Variants in ING5 observed in about 807,000 individuals in gnomAD.
The protein encoded by ING5 is inhibitor of growth family member 5.
ING5 carries 17 observed loss-of-function variants against 37.4 expected under a neutral mutation model. That is an observed-to-expected ratio of 0.45 (90% CI 0.31 to 0.68). ING5 has a LOEUF of 0.68. Among genes scored for constraint, ING5 ranks in the 30% least tolerant of loss-of-function variants. ING5 has a pLI of 0.05. For missense variants in ING5, 233 were observed against 311.9 expected (o/e 0.75, Z 1.91); for synonymous variants, 123 against 116.6 (o/e 1.06, Z -0.36).
exon 2 of ING5, chr2:241,689,985 ACCTTCCCG>A (rs1318617689): frequency 1.2e-4 from 18 of 151,954 alleles, no homozygotes; most frequent in African/African-American, 3.9e-4. Context: ...AAGGAAGACC[ACCTTCCCG>A]GGGCTGGGCA....
chr2:241,721,929 G>C (rs1174014928), intron 5 of ING5: 1 of 985,680 alleles, frequency 1.0e-6, no homozygotes, highest in African/African-American at 1.7e-5. Flanking sequence ...CTGCCAGGCT[G>C]CTGTGTAGAA....
At chr2:241,698,082 CAAAAA>C (rs138451940), upstream of ING5, among the ~76,000 whole-genome samples, 2 of 84,640 alleles carry the variant, frequency 2.4e-5, no homozygotes, top group African/African-American at 5.1e-5. Flanking sequence ...GGCTCCATCT[CAAAAA>C]AAAAAAAAAA....
upstream of ING5, among the ~76,000 whole-genome samples, chr2:241,698,023 T>TAGTA (rs537214148): frequency 1.1e-4 from 16 of 139,356 alleles, no homozygotes; most frequent in South Asian, 3.1e-3. Context: ...GCGGAGGTTG[T>TAGTA]AGTAAGCCAA....
chr2:241,721,960 G>A (rs1343056690), intron 5 of ING5: 1 of 985,222 alleles, frequency 1.0e-6, no homozygotes, highest in Non-Finnish European at 1.2e-6. Context: ...GAGCTGATGG[G>A]GATGAAGGAG....
At chr2:241,713,233 T>A (rs898993227) in intron 5 of ING5, among the ~76,000 whole-genome samples, 13 of 151,698 alleles carry the variant, frequency 8.6e-5, no homozygotes, top group Admixed American at 3.3e-4. Context: ...AGTTTTTGTA[T>A]TTTTAGTAGA....
chr2:241,727,494 A>G lies in ING5; in HGVS notation c.*2463A>G, dbSNP rs1390736150. On this transcript the variant is annotated 3_prime_UTR_variant, in exon 8 of 8. Coordinates refer to ENST00000313552, the MANE Select transcript of ING5 (RefSeq NM_032329.6). The stretch of plus-strand genomic sequence containing the variant: ...ACGCCCAGCTAATTTTTGTATTTTT[A>G]GTAGAAATGGGGTTTCACCATGTGT... The G allele has an allele frequency of 1.3e-5, 2 of 151,716 alleles. No homozygotes were observed. Among genetic ancestry groups the G allele is most frequent in the Non-Finnish European group, 2.9e-5 (2 of 67,980 alleles). The allele number at this position is 151,716 out of a possible 1,614,324, so 9.4% of individuals were successfully genotyped here. A position where few individuals can be genotyped will look rare whatever the true frequency, so the allele number is the denominator to read the frequency against.
At chr2:241,723,664 G>A (rs912408324) in intron 7 of ING5, 3 of 1,159,056 alleles carry the variant, frequency 2.6e-6, no homozygotes, top group East Asian at 4.7e-5. Context: ...TGAGATGTGA[G>A]CCCTGAAGCC....
upstream of ING5, among the ~76,000 whole-genome samples, chr2:241,699,447 G>A (rs890726248): frequency 9.2e-5 from 14 of 152,204 alleles, no homozygotes; most frequent in South Asian, 4.2e-4. Flanking sequence ...GGGGGTCTCC[G>A]TCACCCAGGC....
intron 7 of ING5, among the ~76,000 whole-genome samples, chr2:241,724,232 C>G (rs182102062): frequency 3.9e-5 from 6 of 152,288 alleles, no homozygotes. Context: ...GATGCCGTGT[C>G]TCGGAGGCTG....
intron 7 of ING5, 34 bp from the exon 8 acceptor site, chr2:241,724,955 C>T (rs536958462): frequency 2.5e-6 from 4 of 1,611,438 alleles, no homozygotes; most frequent in South Asian, 2.2e-5. Flanking sequence ...GCGGAAATGG[C>T]GCCCAGGGCC....
intron 2 of ING5, among the ~76,000 whole-genome samples, chr2:241,705,061 C>T (rs576963921): frequency 1.3e-5 from 2 of 152,046 alleles, no homozygotes; most frequent in African/African-American, 4.8e-5. Flanking sequence ...ACTTTTTGGC[C>T]GTTTGATATT....
At position 241,727,853 on chromosome 2, in the gene ING5, T is replaced by C. The variant is rs1436193937; in HGVS notation, c.*2822T>C. ...GCTGCCCGGCTTCCTGAGGTCTCGC[T>C]GCTTTTTGGGGAAAGATGACTGGCT... On this transcript the variant is annotated 3_prime_UTR_variant, in exon 8 of 8. Coordinates refer to ENST00000313552, the MANE Select transcript of ING5 (RefSeq NM_032329.6). 1 of 152,330 alleles carries C rather than the reference T, an allele frequency of 6.6e-6. No individual in the cohort carries two copies. The highest frequency in any genetic ancestry group is 1.5e-5 in the Non-Finnish European group (1 of 68,112). The allele number at this position is 152,330 out of a possible 1,614,324, so 9.4% of individuals were successfully genotyped here. A position where few individuals can be genotyped will look rare whatever the true frequency, so the allele number is the denominator to read the frequency against.
intron 2 of ING5, among the ~76,000 whole-genome samples, chr2:241,706,696 T>C (rs1371737912): frequency 6.6e-6 from 1 of 151,876 alleles, no homozygotes; most frequent in Non-Finnish European, 1.5e-5. Flanking sequence ...AAAATGTGTT[T>C]GTTCTAGCCT....
At chr2:241,696,375 T>C (rs2069630230) in intron 2 of ING5, among the ~76,000 whole-genome samples, 1 of 150,172 alleles carries the variant, frequency 6.7e-6, no homozygotes, top group Non-Finnish European at 1.5e-5. Flanking sequence ...GGGGTGACAG[T>C]GCAAGACTCC....
At chr2:241,724,838 C>T (rs919486515) in intron 7 of ING5, 151 bp from the exon 8 acceptor site, 4 of 690,480 alleles carry the variant, frequency 5.8e-6, no homozygotes, top group Non-Finnish European at 9.9e-6. Context: ...ATTTTCCCTG[C>T]GGGAGGGCCG....
intron 5 of ING5, chr2:241,719,469 GT>G (rs1559311779): frequency 7.7e-7 from 1 of 1,302,504 alleles, no homozygotes; most frequent in Non-Finnish European, 1.1e-6. Flanking sequence ...TGGGTTTTGT[GT>G]TTTCTAACTC....
At chr2:241,723,187 C>T (rs373900971) in intron 6 of ING5, 23 bp from the exon 7 acceptor site, 164 of 1,613,806 alleles carry the variant, frequency 1.0e-4, no homozygotes, top group South Asian at 2.0e-4. Context: ...GTGTTGACTG[C>T]GGTTTCTCCC....
Position 241,713,367 on chromosome 2 carries a change from GT to G in ING5, c.482+1317del, listed in dbSNP as rs1166786436. Among the ~76,000 whole-genome samples, 361 of 102,314 alleles carry G rather than the reference GT, an allele frequency of 3.5e-3. 1 individual carries two copies. Among genetic ancestry groups the G allele is most frequent in the Middle Eastern group, 0.02 (3 of 148 alleles). The allele number at this position is 102,314 out of a possible 152,430, so 67.1% of individuals were successfully genotyped here. A position where few individuals can be genotyped will look rare whatever the true frequency, so the allele number is the denominator to read the frequency against. On this transcript the variant is annotated intron_variant, in intron 5 of 7. Transcript: ENST00000313552. ...GCCATCACACCCGACCCAATTTTCA[GT>G]TTTTTTTTTTTTTTTTTTTTGAGAT... is the stretch of plus-strand genomic sequence containing the variant.
chr2:241,693,708 A>G (rs1352561028), intron 2 of ING5, among the ~76,000 whole-genome samples: 2 of 116,944 alleles, frequency 1.7e-5, no homozygotes. Context: ...CCCAGGCTGG[A>G]GTGCAATGGC....
Sources: allele counts gnomAD v4.1 joint callset (sites outside exome capture counted in the v4.1 genomes callset), GRCh38; gene constraint gnomAD v4.1.1; transcripts MANE v1.5; gene names NCBI Gene and HGNC (gene_info 2026-07-23, HGNC 2026-07-21).